Variants in TSHZ1 observed in about 807,000 individuals in gnomAD.
TSHZ1 encodes teashirt homolog 1.
Under a neutral mutation model 67.1 loss-of-function variants are expected in TSHZ1, and 12 were observed. That is an observed-to-expected ratio of 0.18 (90% CI 0.11 to 0.29). The LOEUF (loss-of-function observed/expected upper bound fraction) is 0.29, where lower values mean the gene tolerates loss of function less well. Among genes scored for constraint, TSHZ1 ranks in the 10% least tolerant of loss-of-function variants. The pLI, the probability that TSHZ1 is intolerant of heterozygous loss-of-function variation, is 1.00. For synonymous variants in TSHZ1, 632 were observed against 622.4 expected (o/e 1.02, Z -0.23); for missense variants, 1,305 against 1,413.9 (o/e 0.92, Z 1.23).
At chr18:75,279,038 G>T (rs2122609324) in intron 1 of TSHZ1, among the ~76,000 whole-genome samples, 2 of 152,258 alleles carry the variant, frequency 1.3e-5, no homozygotes, top group South Asian at 4.1e-4. Context: ...TCAGACAAGA[G>T]GCCACTCTGA....
At chr18:75,227,548 A>G (rs2022942325) in intron 1 of TSHZ1, among the ~76,000 whole-genome samples, 1 of 152,246 alleles carries the variant, frequency 6.6e-6, no homozygotes, top group Admixed American at 6.5e-5. Context: ...GTGAAAATAT[A>G]AAAGCATTTG....
chr18:75,215,834 G>A (rs1042009081), intron 1 of TSHZ1, among the ~76,000 whole-genome samples: 4 of 152,180 alleles, frequency 2.6e-5, no homozygotes, highest in Admixed American at 2.0e-4. Context: ...GTAATCCCAC[G>A]GGGAGGGGCC....
chr18:75,239,887 C>T (rs1020331963), intron 1 of TSHZ1, among the ~76,000 whole-genome samples: 4 of 152,152 alleles, frequency 2.6e-5, no homozygotes, highest in African/African-American at 4.8e-5. Flanking sequence ...CGAGGAGGTA[C>T]GCGATGGGTG....
At chr18:75,256,545 G>GATTC (rs2023363858) in intron 1 of TSHZ1, among the ~76,000 whole-genome samples, 1 of 152,204 alleles carries the variant, frequency 6.6e-6, no homozygotes, top group Non-Finnish European at 1.5e-5. Context: ...AGAGGGAAGA[G>GATTC]ATTTCTTAAT....
intron 1 of TSHZ1, among the ~76,000 whole-genome samples, chr18:75,239,157 C>T (rs2023121810): frequency 1.3e-5 from 2 of 152,256 alleles, no homozygotes; most frequent in South Asian, 4.1e-4. Context: ...ACAGGGTCCC[C>T]AGGGCTCTGG....
rs376109564 is a variant in TSHZ1 at position 75,287,195 on chromosome 18, G to A, written c.1788G>A (p.Val596=). 8 of 1,613,496 alleles carry A rather than the reference G, an allele frequency of 5.0e-6. No individual in the cohort carries two copies. The highest frequency in any genetic ancestry group is 6.8e-6 in the Non-Finnish European group (8 of 1,179,870). ...CCGTGAAGCCACTGCCGGCGGCCGT[G>A]CAGAGCGTGCAGGTGCAGCCGTCCT... is the stretch of plus-strand genomic sequence containing the variant. ...PGTVKPLPAA[V]QSVQVQPSYA... The change falls in exon 2 of 2, where the codon GTG becomes GTA. Residue 596 remains valine, a synonymous_variant. Coordinates refer to ENST00000580243, the MANE Select transcript of TSHZ1 (RefSeq NM_001308210.2). The surrounding 1 kb of genome is among the most constrained non-coding windows in gnomAD (Gnocchi z 5.0).
At chr18:75,269,998 ACCC>A (rs2122593907) in intron 1 of TSHZ1, among the ~76,000 whole-genome samples, 1 of 152,310 alleles carries the variant, frequency 6.6e-6, no homozygotes, top group African/African-American at 2.4e-5. Context: ...AGGGAGAACT[ACCC>A]AAGACCAGTT....
chr18:75,213,972 G>A (rs962376549), intron 1 of TSHZ1, among the ~76,000 whole-genome samples: 3 of 152,174 alleles, frequency 2.0e-5, no homozygotes, highest in African/African-American at 4.8e-5. Context: ...TTAGTTGAGA[G>A]GAAATTGAGA....
At chr18:75,253,552 G>C (rs116679176) in intron 1 of TSHZ1, among the ~76,000 whole-genome samples, 2,475 of 152,338 alleles carry the variant, frequency 0.016, 68 homozygotes, top group African/African-American at 0.055. Flanking sequence ...TTTTACTTGG[G>C]TAGTGTAGAA....
Position 75,215,257 on chromosome 18 carries a change from C to T in TSHZ1, c.40+3341C>T, listed in dbSNP as rs375291024. 2.3e-3 allele frequency among the ~76,000 whole-genome samples: 343 copies of T among 152,248 alleles called. 13 individuals carry two copies. In the South Asian group the frequency reaches 0.067, roughly 30 times the overall value. ...AGGTGTATGCAGAATAGATCTGTAC[C>T]AGAGAATGTCGCTGGCTGGGAGCAC... On this transcript the variant is annotated intron_variant, in intron 1 of 1. Transcript: ENST00000580243.
intron 1 of TSHZ1, chr18:75,284,243 T>A (rs1012061868): frequency 1.3e-5 from 2 of 152,682 alleles, no homozygotes; most frequent in African/African-American, 4.8e-5. Context: ...TCGGTTTCTC[T>A]GCCTTCCAGC....
chr18:75,244,716 G>A (rs2023201643), intron 1 of TSHZ1: 1 of 152,264 alleles, frequency 6.6e-6, no homozygotes, highest in South Asian at 2.1e-4. Context: ...GTGTTCTGCA[G>A]GCTCAGTGCA....
At position 75,285,577 on chromosome 18, in the gene TSHZ1, A is replaced by G; in HGVS notation, c.170A>G (p.Gln57Arg). The stretch of plus-strand genomic sequence containing the variant: ...GAAGAGACGGAGATCAAAGAGGCGC[A>G]GAGCTACCAGAACTCCCCAGTCAGC... ...CNEETEIKEAQSYQNSPVSSA... is the reference protein window; with the variant it reads ...CNEETEIKEARSYQNSPVSSA... Residue 57 changes from glutamine to arginine, a missense_variant, in exon 2 of 2, where the codon CAG (glutamine) becomes CGG (arginine). Physicochemically the swap from Gln to Arg is conservative, Grantham distance 43. Transcript: ENST00000580243. The G allele has an allele frequency of 6.2e-7, 1 of 1,601,490 alleles. No individual in the cohort carries two copies.
At position 75,286,766 on chromosome 18, in the gene TSHZ1, G is replaced by A. The variant is rs139004973; in HGVS notation, c.1359G>A (p.Lys453=). ...KVTTSASKKG[K]QLVLDPVVEE... is the part of the protein sequence containing the mutation. ...CCACCTCGGCTTCTAAGAAGGGCAA[G>A]CAGTTGGTGCTGGACCCTGTGGTGG... Residue 453 remains lysine, a synonymous_variant, in exon 2 of 2, where the codon AAG becomes AAA. Coordinates refer to ENST00000580243, the MANE Select transcript of TSHZ1 (RefSeq NM_001308210.2). This position sits in a 1 kb window ranked among gnomAD's most constrained non-coding sequence, Gnocchi z 5.1. 2.0e-5 allele frequency: 32 copies of A among 1,613,444 alleles called. No homozygotes were observed. The highest frequency in any genetic ancestry group is 2.6e-5 in the Non-Finnish European group (31 of 1,180,048).
intron 1 of TSHZ1, among the ~76,000 whole-genome samples, chr18:75,254,245 T>A (rs1000297431): frequency 1.3e-5 from 2 of 152,240 alleles, no homozygotes; most frequent in Non-Finnish European, 2.9e-5. Context: ...GAGCCACCCA[T>A]TTCTTCTCTG....
At chr18:75,240,143 G>A (rs530173135) in intron 1 of TSHZ1, among the ~76,000 whole-genome samples, 58 of 152,236 alleles carry the variant, frequency 3.8e-4, no homozygotes, top group African/African-American at 1.3e-3. Context: ...AGAGTTTAAC[G>A]TTTTAAGAAG....
Position 75,287,623 on chromosome 18 carries a change from A to G in TSHZ1, c.2216A>G (p.Glu739Gly). The stretch of plus-strand genomic sequence containing the variant: ...GGGATCATCATGGACCACTCACCGG[A>G]GCCTTCCTTCATCAACCCGCTGAGC... ...NLGIIMDHSP[E>G]PSFINPLSAL... Residue 739 changes from glutamate to glycine, a missense_variant, in exon 2 of 2, where the codon GAG becomes GGG. Around this residue, in one of 3 missense-constraint regions of TSHZ1, gnomAD observed 909 missense variants for 961.8 expected, o/e 0.95. Transcript: ENST00000580243. This position sits in a 1 kb window ranked among gnomAD's most constrained non-coding sequence, Gnocchi z 5.0. The G allele has an allele frequency of 3.1e-6, 5 of 1,614,192 alleles. No individual in the cohort carries two copies. The highest frequency in any genetic ancestry group is 3.4e-6 in the Non-Finnish European group (4 of 1,180,050).
chr18:75,219,237 A>T (rs1318853039), intron 1 of TSHZ1, among the ~76,000 whole-genome samples: 2 of 152,228 alleles, frequency 1.3e-5, no homozygotes, highest in Admixed American at 6.5e-5. Context: ...TGATAGATTT[A>T]ATAAAAGGTG....
chr18:75,220,145 C>G (rs1171269519), intron 1 of TSHZ1, among the ~76,000 whole-genome samples: 3 of 152,198 alleles, frequency 2.0e-5, no homozygotes, highest in Non-Finnish European at 4.4e-5. Flanking sequence ...AAGACTTAGG[C>G]TTGCGGGCAA....
Sources: gnomAD v4.1 joint callset for allele counts (sites outside exome capture counted in the v4.1 genomes callset) on GRCh38, gnomAD v4.1.1 for gene constraint, gnomAD v4.1.1 regional missense constraint, Gnocchi (gnomAD v3.1) non-coding constraint, MANE v1.5 for transcripts, NCBI Gene and HGNC (gene_info 2026-07-23, HGNC 2026-07-21) for gene names.